TPO: variants seen among roughly 807,000 people sequenced by gnomAD.
The protein encoded by TPO is thyroid peroxidase.
A neutral mutation model predicts 96.9 loss-of-function variants in TPO; 78 were observed. The ratio of observed to expected loss-of-function variants is 0.81; its 90% CI spans 0.67 to 0.97. The LOEUF is 0.97. Among genes scored for constraint, TPO ranks in the 50% least tolerant of loss-of-function variants. The probability of loss-of-function intolerance (pLI) is 0.00; values close to 1 mark genes in which losing one functional copy is unlikely to be tolerated. For synonymous variants in TPO, 547 were observed against 538.0 expected (o/e 1.02, Z -0.23); for missense variants, 1,252 against 1,274.8 (o/e 0.98, Z 0.27).
intron 2 of TPO, among the ~76,000 whole-genome samples, chr2:1,420,083 G>A (rs2148423255): frequency 6.6e-6 from 1 of 152,116 alleles, no homozygotes; most frequent in East Asian, 1.9e-4. Flanking sequence ...ATACAGAAAT[G>A]GATTTATTTT....
At chr2:1,406,733 T>C (rs1662255352) in intron 1 of TPO, among the ~76,000 whole-genome samples, 2 of 152,230 alleles carry the variant, frequency 1.3e-5, no homozygotes, top group Admixed American at 1.3e-4. Flanking sequence ...GTCATTTTCC[T>C]TTCAGTAATG....
At chr2:1,540,087 C>A (rs1471069987) in intron 15 of TPO, among the ~76,000 whole-genome samples, 1 of 152,206 alleles carries the variant, frequency 6.6e-6, no homozygotes, top group African/African-American at 2.4e-5. Flanking sequence ...CTCTCCACGC[C>A]TCCCAGAGAC....
rs992392323 is a variant in TPO, at chr2:1,540,723, G to C, written c.2748G>C (p.Gln916His). 6.2e-7 allele frequency: 1 copy of C among 1,613,352 alleles called. No individual in the cohort carries two copies. Among genetic ancestry groups the C allele is most frequent in the South Asian group, 1.1e-5 (1 of 91,086 alleles). The change falls in exon 16 of 17, where the codon CAG becomes CAC. Residue 916 changes from glutamine to histidine, a missense_variant and splice_region_variant. Coordinates refer to ENST00000329066, the MANE Select transcript of TPO (RefSeq NM_001206744.2). ...GGGCCGCAGCTCAGGACTCGGAGCA[G>C]GTGGGCCACACCATGCCGCATGTTT... is the stretch of plus-strand genomic sequence containing the variant. ...PQRAAAQDSE[Q>H]ESAGMEGRDT...
chr2:1,503,319 C>T (rs150300778), intron 13 of TPO, among the ~76,000 whole-genome samples: 1,564 of 152,320 alleles, frequency 0.01, 31 homozygotes, highest in African/African-American at 0.036. Context: ...TTAGAGAATG[C>T]GCACTGGGCA....
chr2:1,525,626 C>T (rs1222788694), intron 15 of TPO, among the ~76,000 whole-genome samples: 1 of 81,226 alleles, frequency 1.2e-5, no homozygotes, highest in Non-Finnish European at 2.3e-5. Flanking sequence ...GTGCAACCTC[C>T]TCAAATCCCC....
At chr2:1,387,207 G>A (rs1322449247) in intron 1 of TPO, among the ~76,000 whole-genome samples, 1 of 152,028 alleles carries the variant, frequency 6.6e-6, no homozygotes, top group Non-Finnish European at 1.5e-5. Flanking sequence ...TGCTCTTCTC[G>A]AGGAGTATCT....
chr2:1,380,169 C>G (rs187669469), intron 1 of TPO, among the ~76,000 whole-genome samples: 11 of 151,888 alleles, frequency 7.2e-5, no homozygotes, highest in Non-Finnish European at 1.3e-4. Context: ...CCGAGGTGGG[C>G]GGATCATGAG....
At chr2:1,400,825 T>G (rs1189965428) in intron 1 of TPO, among the ~76,000 whole-genome samples, 1 of 152,182 alleles carries the variant, frequency 6.6e-6, no homozygotes, top group Non-Finnish European at 1.5e-5. Flanking sequence ...CATTAATGGG[T>G]AAGCCAAAGG....
rs192442410 is a variant in TPO, at chr2:1,456,137, G to T, written c.674G>T (p.Arg225Leu). ...AATGAGGTTGTCACAGATGATGACC[G>T]CTATTCTGACCTCCTGATGGCATGG... is the stretch of plus-strand genomic sequence containing the variant. ...VSNEVVTDDD[R>L]YSDLLMAWGQ... Residue 225 changes from arginine to leucine, a missense_variant, in exon 7 of 17, where the codon CGC becomes CTC. Coordinates refer to ENST00000329066, the MANE Select transcript of TPO (RefSeq NM_001206744.2). The T allele has an allele frequency of 4.3e-6, 7 of 1,613,924 alleles. No homozygotes were observed. In the Admixed American group the frequency reaches 8.3e-5, roughly 19 times the overall value.
At chr2:1,393,918 AT>A (rs1283371015) in intron 1 of TPO, among the ~76,000 whole-genome samples, 1 of 152,258 alleles carries the variant, frequency 6.6e-6, no homozygotes. Context: ...TTATTTCAAT[AT>A]TTTAAGTAGA....
At chr2:1,499,577 G>A (rs1394805204) in intron 13 of TPO, among the ~76,000 whole-genome samples, 3 of 139,510 alleles carry the variant, frequency 2.2e-5, no homozygotes, top group Admixed American at 1.4e-4. Flanking sequence ...TGCGGCGTCT[G>A]GGGCCACCAC....
chr2:1,423,182 C>T (rs1663965011), intron 3 of TPO, 53 bp downstream of exon 3: 2 of 1,554,572 alleles, frequency 1.3e-6, no homozygotes, highest in Admixed American at 3.4e-5. Context: ...GGCGCATCCT[C>T]CCTGACATCC....
At chr2:1,401,827 C>T (rs1390633020) in intron 1 of TPO, among the ~76,000 whole-genome samples, 3 of 152,168 alleles carry the variant, frequency 2.0e-5, no homozygotes, top group Admixed American at 2.0e-4. Context: ...AAGTACACAC[C>T]CCTGTGGGTA....
At chr2:1,385,872 C>T (rs1661885817) in intron 1 of TPO, among the ~76,000 whole-genome samples, 1 of 152,134 alleles carries the variant, frequency 6.6e-6, no homozygotes, top group Non-Finnish European at 1.5e-5. Context: ...TTTCCCTCTA[C>T]ACACCGCTTT....
chr2:1,403,239 G>A lies in TPO; in HGVS notation n.180+28837G>A, dbSNP rs570682234. Among the ~76,000 whole-genome samples, 7 of 152,302 alleles carry A rather than the reference G, an allele frequency of 4.6e-5. 1 individual carries two copies. The East Asian group carries it at 1.4e-3, about 30-fold the overall frequency. On this transcript the variant is annotated intron_variant and non_coding_transcript_variant, in intron 1 of 5. Coordinates refer to the TPO transcript ENST00000497517. ...GGGTGTGTGGGAGCTTGTCCGGGGT[G>A]CAGGGCAAGGCAATGTGAGAGCCAG...
intron 10 of TPO, among the ~76,000 whole-genome samples, chr2:1,492,191 G>T (rs1671834654): frequency 6.6e-6 from 1 of 152,004 alleles, no homozygotes; most frequent in Non-Finnish European, 1.5e-5. Context: ...TCTCACTCTT[G>T]TCACCCAGGC....
At chr2:1,375,724 G>A (rs549822153) in intron 1 of TPO, among the ~76,000 whole-genome samples, 34 of 152,206 alleles carry the variant, frequency 2.2e-4, no homozygotes, top group African/African-American at 4.6e-4. Context: ...TTCCTTCACC[G>A]TGTCTACATC....
In TPO at chr2:1,477,318, G is replaced by A. The variant is rs1215138868; in HGVS notation, c.1052G>A (p.Arg351His). Residue 351 changes from arginine (R) to histidine (H), a missense_variant, in exon 8 of 17, where the codon CGC becomes CAC. Arg to His is a conservative substitution (Grantham distance 29). Transcript: ENST00000329066. ...RNWTSAEGLL[R>H]VHARLRDSGR... is the part of the protein sequence containing the mutation. Reference sequence around the variant, plus strand: ...TGGACCAGTGCCGAAGGGCTGCTCCGCGTCCACGCGCGCCTCCGGGACTCC... The same window carrying A: ...TGGACCAGTGCCGAAGGGCTGCTCCACGTCCACGCGCGCCTCCGGGACTCC... 6.4e-7 allele frequency: 1 copy of A among 1,567,552 alleles called. No homozygotes were observed. The highest frequency in any genetic ancestry group is 8.6e-7 in the Non-Finnish European group (1 of 1,157,140).
chr2:1,479,088 A>G (rs1365918202), intron 8 of TPO, among the ~76,000 whole-genome samples: 1 of 152,232 alleles, frequency 6.6e-6, no homozygotes, highest in African/African-American at 2.4e-5. Flanking sequence ...GCAGCGACTC[A>G]GACACTTTCC....
Sources: gnomAD v4.1 joint callset for allele counts (sites outside exome capture counted in the v4.1 genomes callset) on GRCh38, gnomAD v4.1.1 for gene constraint, MANE v1.5 for transcripts, NCBI Gene and HGNC (gene_info 2026-07-23, HGNC 2026-07-21) for gene names.